The following MCUB variants were observed in gnomAD, a reference collection of about 807,000 sequenced individuals.
MCUB encodes mitochondrial calcium uniporter dominant negative subunit beta.
MCUB carries 46 observed loss-of-function variants against 41.4 expected under a neutral mutation model. The ratio of observed to expected loss-of-function variants is 1.11; its 90% CI spans 0.88 to 1.42. MCUB has a LOEUF of 1.42. MCUB is among the 40% of genes most tolerant of loss of function. The pLI is 0.00. For missense variants in MCUB, 403 were observed against 404.9 expected (o/e 1.00, Z 0.04); for synonymous variants, 148 against 148.2 (o/e 1.00, Z 0.01).
intron 1 of MCUB, among the ~76,000 whole-genome samples, chr4:109,641,306 A>G (rs1403456524): frequency 6.9e-6 from 1 of 144,974 alleles, no homozygotes; most frequent in African/African-American, 2.6e-5. Flanking sequence ...GGTTTTCACC[A>G]TGTTAGCCAG....
chr4:109,686,502 T>A (rs920361807), intron 7 of MCUB, among the ~76,000 whole-genome samples: 7 of 152,158 alleles, frequency 4.6e-5, no homozygotes, highest in South Asian at 2.1e-4. Context: ...ATAATGCTTT[T>A]AAAAAAAATT....
In MCUB at chr4:109,687,585, A is replaced by G; in HGVS notation, c.1004A>G (p.Lys335Arg). Reference sequence around the variant, plus strand: ...ATGCAAGTAGAAGAACTCAATGAAAAGAATTAATCTTACAGTTTTAAATGT... The same window carrying G: ...ATGCAAGTAGAAGAACTCAATGAAAGGAATTAATCTTACAGTTTTAAATGT... ...LQMQVEELNE[K>R]N The change falls in exon 8 of 8, where the codon AAG becomes AGG. Residue 335 changes from lysine to arginine, a missense_variant. By Grantham distance (26) the Lys-to-Arg change is conservative. Transcript: ENST00000394650. 6.2e-7 allele frequency: 1 copy of G among 1,603,588 alleles called. No individual in the cohort carries two copies.
chr4:109,674,987 T>C (rs1729540452), intron 4 of MCUB, among the ~76,000 whole-genome samples: 1 of 152,232 alleles, frequency 6.6e-6, no homozygotes. Flanking sequence ...TTATATAATA[T>C]ACAGAAGGCT....
intron 4 of MCUB, among the ~76,000 whole-genome samples, chr4:109,672,829 C>T (rs1334185707): frequency 6.6e-6 from 1 of 152,132 alleles, no homozygotes; most frequent in Non-Finnish European, 1.5e-5. Flanking sequence ...TGACTTGCTC[C>T]CTCTCCCCCT....
intron 4 of MCUB, among the ~76,000 whole-genome samples, chr4:109,666,852 T>A (rs1332589265): frequency 6.6e-6 from 1 of 152,180 alleles, no homozygotes; most frequent in Non-Finnish European, 1.5e-5. Context: ...GATATTATCA[T>A]GTGATTTTTC....
Position 109,586,612 on chromosome 4 carries a change from G to T in MCUB, c.99+26176G>T, listed in dbSNP as rs149805121. ...GTTTTATTTACGTTTGGTCTTTGAT[G>T]TTGGTGACCTACAGATGGGGTTTTG... On this transcript the variant is annotated intron_variant, in intron 1 of 7. Coordinates refer to ENST00000394650, the MANE Select transcript of MCUB (RefSeq NM_017918.5). Among the ~76,000 whole-genome samples the T allele has an allele frequency of 3.5e-3, 533 of 152,280 alleles. 6 individuals are homozygous for T. Among genetic ancestry groups the T allele is most frequent in the East Asian group, 0.013 (69 of 5,172 alleles).
At chr4:109,625,922 TGTAA>T (rs981666842) in intron 1 of MCUB, among the ~76,000 whole-genome samples, 25 of 152,214 alleles carry the variant, frequency 1.6e-4, no homozygotes, top group African/African-American at 2.9e-4. Flanking sequence ...TTTAGGTTGT[TGTAA>T]GTCTTTTCCT....
intron 1 of MCUB, among the ~76,000 whole-genome samples, chr4:109,571,030 G>A (rs1726902685): frequency 6.6e-6 from 1 of 152,192 alleles, no homozygotes; most frequent in South Asian, 2.1e-4. Context: ...CATTTCCTAT[G>A]AGAGAAGTGA....
chr4:109,665,035 C>T (rs980536593), intron 4 of MCUB, among the ~76,000 whole-genome samples: 2 of 152,108 alleles, frequency 1.3e-5, no homozygotes, highest in Non-Finnish European at 1.5e-5. Flanking sequence ...TCTCTGCACC[C>T]CACGCCCCTT....
chr4:109,599,260 C>T (rs980973191), intron 1 of MCUB, among the ~76,000 whole-genome samples: 3 of 152,124 alleles, frequency 2.0e-5, no homozygotes, highest in African/African-American at 7.2e-5. Flanking sequence ...TGCATAGTTT[C>T]CATTTAAAGC....
rs1159955476 is a variant in MCUB, at chr4:109,688,104, A to ATAAAG, written c.*515_*519dup. 6.6e-6 allele frequency: 1 copy of ATAAAG among 152,554 alleles called. No individual in the cohort carries two copies. The highest frequency in any genetic ancestry group is 1.5e-5 in the Non-Finnish European group (1 of 68,328). 9.5% of individuals were successfully genotyped at this position (152,554 alleles called of 1,614,324 possible). On this transcript the variant is annotated 3_prime_UTR_variant, in exon 8 of 8. Transcript: ENST00000394650. ...AAAAGGCATAAATGTTCCACCAACCATAAAGTATAGTTGGTACTTTTTGAA... is the reference window on the plus strand; with the variant it reads ...AAAAGGCATAAATGTTCCACCAACCATAAAGTAAAGTATAGTTGGTACTTTTTGAA...
chr4:109,643,160 T>C (rs995533191), intron 1 of MCUB, among the ~76,000 whole-genome samples: 3 of 152,058 alleles, frequency 2.0e-5, no homozygotes, highest in Admixed American at 6.6e-5. Flanking sequence ...GAAAAAATAT[T>C]ATTCAAACTT....
intron 1 of MCUB, among the ~76,000 whole-genome samples, chr4:109,657,113 G>C (rs1729121502): frequency 6.6e-6 from 1 of 151,868 alleles, no homozygotes; most frequent in Non-Finnish European, 1.5e-5. Flanking sequence ...CAGCTACTTG[G>C]GAGGCTGAAG....
At position 109,570,341 on chromosome 4, in the gene MCUB, G is replaced by T. The variant is rs140199339; in HGVS notation, c.99+9905G>T. Among the ~76,000 whole-genome samples, 605 of 152,272 alleles carry T rather than the reference G, an allele frequency of 4.0e-3. 25 individuals carry two copies. The East Asian group carries it at 0.051, about 13-fold the overall frequency. ...TGTATATCTTTGTATTTCTTATTCT[G>T]CTAGTACAGGTACTTGTCCTAGTGT... On this transcript the variant is annotated intron_variant, in intron 1 of 7. Transcript: ENST00000394650.
At chr4:109,593,073 C>T (rs181087478) in intron 1 of MCUB, among the ~76,000 whole-genome samples, 1 of 152,284 alleles carries the variant, frequency 6.6e-6, no homozygotes, top group East Asian at 1.9e-4. Flanking sequence ...TTCCAATGCT[C>T]ACTTCAAGGC....
intron 1 of MCUB, among the ~76,000 whole-genome samples, chr4:109,616,296 C>T (rs1302525747): frequency 6.6e-6 from 1 of 152,100 alleles, no homozygotes; most frequent in Non-Finnish European, 1.5e-5. Context: ...ACTGCTTTAT[C>T]TTAGTAGTTG....
At chr4:109,584,250 G>A (rs952485023) in intron 1 of MCUB, among the ~76,000 whole-genome samples, 1 of 152,250 alleles carries the variant, frequency 6.6e-6, no homozygotes, top group Non-Finnish European at 1.5e-5. Context: ...GGTGTTTATA[G>A]TATTCTCTGA....
At chr4:109,615,195 C>T (rs368441143) in intron 1 of MCUB, among the ~76,000 whole-genome samples, 7 of 152,034 alleles carry the variant, frequency 4.6e-5, no homozygotes, top group African/African-American at 1.7e-4. Context: ...TGAGAGCTTG[C>T]GTACTCTGTG....
intron 4 of MCUB, among the ~76,000 whole-genome samples, chr4:109,682,146 A>G (rs534923999): frequency 6.6e-6 from 1 of 152,328 alleles, no homozygotes; most frequent in Admixed American, 6.5e-5. Context: ...AGCTAGGCTT[A>G]GGGATTCTTA....
Sources: gnomAD v4.1 joint callset for allele counts (sites outside exome capture counted in the v4.1 genomes callset) on GRCh38, gnomAD v4.1.1 for gene constraint, MANE v1.5 for transcripts, NCBI Gene and HGNC (gene_info 2026-07-23, HGNC 2026-07-21) for gene names.